The following VAV3 variants were observed in gnomAD, a reference collection of about 807,000 sequenced individuals.
The protein encoded by VAV3 is vav guanine nucleotide exchange factor 3, also known as guanine nucleotide exchange factor VAV3.
VAV3 carries 94 observed loss-of-function variants against 131.2 expected under a neutral mutation model. The ratio of observed to expected loss-of-function variants is 0.72; its 90% CI spans 0.61 to 0.85. VAV3 has a LOEUF of 0.85. VAV3 is among the 40% of genes least tolerant of loss of function. The probability of loss-of-function intolerance (pLI) is 0.00; values close to 1 mark genes in which losing one functional copy is unlikely to be tolerated. For missense variants in VAV3, 939 were observed against 1,002.7 expected, an observed-to-expected ratio of 0.94 and a Z score of 0.86; for synonymous variants, 349 against 342.0, an observed-to-expected ratio of 1.02 and a Z score of -0.22.
At chr1:107,807,662 C>T (rs1667120036) in intron 2 of VAV3, among the ~76,000 whole-genome samples, 1 of 152,210 alleles carries the variant, frequency 6.6e-6, no homozygotes, top group South Asian at 2.1e-4. Flanking sequence ...ATACACACTC[C>T]TACCTCCTAA....
At chr1:107,859,073 G>GT (rs576650255) in intron 2 of VAV3, among the ~76,000 whole-genome samples, 41,815 of 138,328 alleles carry the variant, frequency 0.3, 6,660 homozygotes, top group Non-Finnish European at 0.39. Context: ...TTCTTGAGGA[G>GT]TTTTTTTTTT....
At chr1:107,728,520 G>C (rs1159388904) in intron 15 of VAV3, among the ~76,000 whole-genome samples, 1 of 151,790 alleles carries the variant, frequency 6.6e-6, no homozygotes, top group Non-Finnish European at 1.5e-5. Flanking sequence ...CATGACCTCT[G>C]TGGTTCCAAT....
chr1:107,577,711 T>C (rs924320534), intron 25 of VAV3, among the ~76,000 whole-genome samples: 3 of 152,158 alleles, frequency 2.0e-5, no homozygotes, highest in Non-Finnish European at 4.4e-5. Flanking sequence ...CCCTTCAGGA[T>C]GGTGGAGCAT....
intron 21 of VAV3, among the ~76,000 whole-genome samples, chr1:107,612,542 T>C (rs1652835878): frequency 6.6e-6 from 1 of 152,122 alleles, no homozygotes; most frequent in Non-Finnish European, 1.5e-5. Context: ...TTAAAATCTT[T>C]TCCTAAGTCA....
chr1:107,727,166 C>T lies in VAV3; in HGVS notation c.1502+21802G>A, dbSNP rs185278118. On this transcript the variant is annotated intron_variant, in intron 15 of 26. Coordinates refer to ENST00000370056, the MANE Select transcript of VAV3 (RefSeq NM_006113.5). ...TACAAATAGTTTTCAAACCCCTCTTCAAGTATGGATGAATTAAGTTTCAGA... is the reference window on the plus strand; with the variant it reads ...TACAAATAGTTTTCAAACCCCTCTTTAAGTATGGATGAATTAAGTTTCAGA... Among the ~76,000 whole-genome samples, 16 of 152,324 alleles carry T rather than the reference C, an allele frequency of 1.1e-4. No individual in the cohort carries two copies. In the East Asian group the frequency reaches 2.7e-3, roughly 26 times the overall value.
chr1:107,923,141 T>C (rs1164795993), intron 1 of VAV3, among the ~76,000 whole-genome samples: 1 of 152,148 alleles, frequency 6.6e-6, no homozygotes, highest in Non-Finnish European at 1.5e-5. Flanking sequence ...TCTACCAATC[T>C]GCTCTGTGTC....
intron 2 of VAV3, among the ~76,000 whole-genome samples, chr1:107,802,126 A>C (rs543681363): frequency 6.6e-6 from 1 of 152,032 alleles, no homozygotes; most frequent in East Asian, 1.9e-4. Flanking sequence ...TGCAAATGAG[A>C]TTGCTTTCTT....
At position 107,621,675 on chromosome 1, in the gene VAV3, C is replaced by T. The variant is rs142836941; in HGVS notation, c.1915-4043G>A. ...ACTCTGTGGGCATTTTATTCTGGGTCAGATAATCAGCTTGTCATCCCTTTT... is the reference window on the plus strand; with the variant it reads ...ACTCTGTGGGCATTTTATTCTGGGTTAGATAATCAGCTTGTCATCCCTTTT... On this transcript the variant is annotated intron_variant, in intron 20 of 26. Transcript: ENST00000370056. Among the ~76,000 whole-genome samples, 280 of 152,212 alleles carry T rather than the reference C, an allele frequency of 1.8e-3. 4 individuals carry two copies. The highest frequency in any genetic ancestry group is 6.5e-3 in the African/African-American group (268 of 41,550).
At chr1:107,878,075 A>G (rs1346039876) in intron 1 of VAV3, among the ~76,000 whole-genome samples, 1 of 149,450 alleles carries the variant, frequency 6.7e-6, no homozygotes, top group Non-Finnish European at 1.5e-5. Context: ...AGTTGAAAGA[A>G]TACAATGAAC....
chr1:107,858,596 G>T (rs1304241914), intron 2 of VAV3, among the ~76,000 whole-genome samples: 1 of 152,164 alleles, frequency 6.6e-6, no homozygotes, highest in Non-Finnish European at 1.5e-5. Flanking sequence ...AGCCTACTGT[G>T]AACTGTGCAA....
intron 1 of VAV3, among the ~76,000 whole-genome samples, chr1:107,919,840 G>A (rs345313): frequency 0.8 from 122,331 of 151,978 alleles, 49,364 homozygotes; most frequent in East Asian, 0.98. Flanking sequence ...ATTAATTAAA[G>A]AAAAGAATCA....
chr1:107,740,631 AC>A (rs1219216794), intron 15 of VAV3, among the ~76,000 whole-genome samples: 4 of 152,202 alleles, frequency 2.6e-5, no homozygotes, highest in Non-Finnish European at 5.9e-5. Context: ...TCACACTTCT[AC>A]AAAAGGCCAC....
chr1:107,752,897 T>C (rs1663825606), intron 12 of VAV3, among the ~76,000 whole-genome samples: 1 of 152,142 alleles, frequency 6.6e-6, no homozygotes, highest in East Asian at 1.9e-4. Flanking sequence ...ATAGCAATTC[T>C]TCAATAAATT....
intron 20 of VAV3, among the ~76,000 whole-genome samples, chr1:107,634,809 A>G (rs61798875): frequency 0.36 from 54,862 of 151,724 alleles, 10,555 homozygotes; most frequent in East Asian, 0.48. Context: ...AAAAGTGGGC[A>G]AAGGATATGA....
intron 2 of VAV3, among the ~76,000 whole-genome samples, chr1:107,851,689 C>G (rs1486739757): frequency 2.0e-5 from 3 of 152,100 alleles, no homozygotes; most frequent in African/African-American, 4.8e-5. Flanking sequence ...CTTGCCAAAT[C>G]AGGATGTTGC....
At chr1:107,600,635 T>C (rs1306914517) in intron 24 of VAV3, among the ~76,000 whole-genome samples, 3 of 152,234 alleles carry the variant, frequency 2.0e-5, no homozygotes, top group Non-Finnish European at 4.4e-5. Context: ...TGGCACAATT[T>C]TTTTTTAATG....
chr1:107,934,691 A>G (rs949733533), intron 1 of VAV3, among the ~76,000 whole-genome samples: 1 of 152,230 alleles, frequency 6.6e-6, no homozygotes, highest in African/African-American at 2.4e-5. Context: ...CTTAGTTCCA[A>G]AAATAAGTTA....
Position 107,933,674 on chromosome 1 carries a change from G to A in VAV3, c.204+30992C>T, listed in dbSNP as rs140834074. ...ACAAAAAAATTTAAAAATTAGCTGAGTATGATGACACACACCCAGTAGTTC... is the reference window on the plus strand; with the variant it reads ...ACAAAAAAATTTAAAAATTAGCTGAATATGATGACACACACCCAGTAGTTC... On this transcript the variant is annotated intron_variant, in intron 1 of 26. Coordinates refer to ENST00000370056, the MANE Select transcript of VAV3 (RefSeq NM_006113.5). 3.4e-4 allele frequency among the ~76,000 whole-genome samples: 51 copies of A among 152,000 alleles called. No homozygotes were observed. In the East Asian group the frequency reaches 9.6e-3, roughly 29 times the overall value.
chr1:107,858,416 C>G (rs1252480938), intron 2 of VAV3, among the ~76,000 whole-genome samples: 15 of 152,146 alleles, frequency 9.9e-5, no homozygotes, highest in Non-Finnish European at 1.6e-4. Context: ...CAGATACCAT[C>G]TAAGAAAATT....
Sources: gnomAD v4.1 joint callset for allele counts (sites outside exome capture counted in the v4.1 genomes callset) on GRCh38, gnomAD v4.1.1 for gene constraint, MANE v1.5 for transcripts, NCBI Gene and HGNC (gene_info 2026-07-23, HGNC 2026-07-21) for gene names.